Variants in LARGE1 observed in about 807,000 individuals in gnomAD.
LARGE1 encodes the protein LARGE xylosyl- and glucuronyltransferase 1.
LARGE1 carries 43 observed loss-of-function variants against 87.6 expected under a neutral mutation model. The observed-to-expected ratio is 0.49, with a 90% CI of 0.38 to 0.63. The LOEUF is 0.63. LARGE1 is among the 30% of genes least tolerant of loss of function. The pLI is 0.00. For synonymous variants in LARGE1, 434 were observed against 394.6 expected, an observed-to-expected ratio of 1.10 and a Z score of -1.18; for missense variants, 802 against 1,000.2, an observed-to-expected ratio of 0.80 and a Z score of 2.67.
At chr22:33,350,592 T>C (rs887322442) in intron 9 of LARGE1, among the ~76,000 whole-genome samples, 2 of 152,148 alleles carry the variant, frequency 1.3e-5, no homozygotes, top group Admixed American at 6.5e-5. Flanking sequence ...CCGTGGGATG[T>C]TGCTAACTTG....
At chr22:33,114,157 T>C in the LARGE1 span, among the ~76,000 whole-genome samples, 3 of 151,934 alleles carry the variant, frequency 2.0e-5, no homozygotes, top group Non-Finnish European at 2.9e-5. Flanking sequence ...ATTACAGGCG[T>C]GAGCCACCGC....
intron 6 of LARGE1, among the ~76,000 whole-genome samples, chr22:33,449,748 G>A (rs7284440): frequency 1.3e-5 from 2 of 151,974 alleles, no homozygotes; most frequent in Non-Finnish European, 2.9e-5. Context: ...CTTTTGCCAA[G>A]GAAACAATAT....
At chr22:33,125,874 A>G in the LARGE1 span, among the ~76,000 whole-genome samples, 1 of 152,186 alleles carries the variant, frequency 6.6e-6, no homozygotes, top group South Asian at 2.1e-4. Context: ...CAGCTTCCTG[A>G]GCAGCTAGGA....
chr22:33,558,023 C>A lies in LARGE1; in HGVS notation c.787+6825G>T, dbSNP rs574152929. On this transcript the variant is annotated intron_variant, in intron 6 of 14. Transcript: ENST00000397394. ...TAGAAGCACATCACCTCTACAGACA[C>A]CAGCTGTTGGTGTCATTTTAAAGCA... Among the ~76,000 whole-genome samples, 3 of 152,298 alleles carry A rather than the reference C, an allele frequency of 2.0e-5. No individual in the cohort carries two copies. The South Asian group carries it at 6.2e-4, about 32-fold the overall frequency.
intron 11 of LARGE1, among the ~76,000 whole-genome samples, chr22:33,215,733 G>A (rs1925172368): frequency 6.6e-6 from 1 of 152,172 alleles, no homozygotes; most frequent in Admixed American, 6.5e-5. Flanking sequence ...GAGACAAGTG[G>A]ATCACCTGAG....
At chr22:33,610,687 A>G (rs1472492831) in intron 4 of LARGE1, among the ~76,000 whole-genome samples, 1 of 152,202 alleles carries the variant, frequency 6.6e-6, no homozygotes, top group Non-Finnish European at 1.5e-5. Context: ...AGATATTAGC[A>G]TAACTAAAAA....
intron 11 of LARGE1, among the ~76,000 whole-genome samples, chr22:33,313,642 A>C (rs750344378): frequency 6.6e-6 from 1 of 152,154 alleles, no homozygotes; most frequent in African/African-American, 2.4e-5. Flanking sequence ...AGGGGGCTGC[A>C]TGGCTAGGAA....
intron 1 of LARGE1, among the ~76,000 whole-genome samples, chr22:33,848,212 A>G (rs1409388126): frequency 1.3e-5 from 2 of 152,222 alleles, no homozygotes; most frequent in Non-Finnish European, 2.9e-5. Context: ...AATATAAACA[A>G]GTAGGTGCTT....
chr22:33,495,244 T>C (rs1416116915), intron 6 of LARGE1, among the ~76,000 whole-genome samples: 1 of 152,194 alleles, frequency 6.6e-6, no homozygotes, highest in Non-Finnish European at 1.5e-5. Context: ...TCCTTTGAAC[T>C]TTCCTTTGAG....
chr22:33,471,680 C>T, intron 6 of LARGE1, among the ~76,000 whole-genome samples: 1 of 152,144 alleles, frequency 6.6e-6, no homozygotes, highest in Admixed American at 6.5e-5. Flanking sequence ...TAGCTCCTCC[C>T]CAGGTGCCAA....
At chr22:33,342,089 ACT>A (rs1368397803) in intron 9 of LARGE1, among the ~76,000 whole-genome samples, 3 of 151,554 alleles carry the variant, frequency 2.0e-5, no homozygotes, top group Admixed American at 1.3e-4. Flanking sequence ...GAGAGGGAAG[ACT>A]CTCCCCTGAG....
intron 3 of LARGE1, among the ~76,000 whole-genome samples, chr22:33,649,593 G>A (rs556922200): frequency 1.3e-5 from 2 of 152,324 alleles, no homozygotes; most frequent in South Asian, 4.1e-4. Context: ...GTTCACAGAA[G>A]TTATGCAACT....
At position 33,704,208 on chromosome 22, in the gene LARGE1, A is replaced by G. The variant is rs899735758; in HGVS notation, c.107-53540T>C. 3.3e-5 allele frequency among the ~76,000 whole-genome samples: 5 copies of G among 152,242 alleles called. No homozygotes were observed. In the East Asian group the frequency reaches 9.6e-4, roughly 29 times the overall value. On this transcript the variant is annotated intron_variant, in intron 2 of 14. Coordinates refer to ENST00000397394, the MANE Select transcript of LARGE1 (RefSeq NM_133642.5). ...TGTATACTGTATAAAACAAAGGAATATGGAAGGCTATTTTATGCCTCCAAA... is the reference window on the plus strand; with the variant it reads ...TGTATACTGTATAAAACAAAGGAATGTGGAAGGCTATTTTATGCCTCCAAA...
chr22:33,739,155 C>T (rs1231479944), intron 2 of LARGE1, among the ~76,000 whole-genome samples: 16 of 152,090 alleles, frequency 1.1e-4, no homozygotes. Flanking sequence ...ACCATGTGTC[C>T]TTTACCGTGC....
chr22:33,674,590 C>T (rs1209739357), intron 2 of LARGE1, among the ~76,000 whole-genome samples: 1 of 152,166 alleles, frequency 6.6e-6, no homozygotes, highest in African/African-American at 2.4e-5. Flanking sequence ...CTCTCAGTGC[C>T]CCAGGTATGG....
intron 5 of LARGE1, among the ~76,000 whole-genome samples, chr22:33,572,899 A>G (rs959011369): frequency 1.3e-5 from 2 of 152,052 alleles, no homozygotes; most frequent in African/African-American, 4.8e-5. Context: ...AAAATAAAAT[A>G]AAATGGTTAA....
intron 12 of LARGE1, among the ~76,000 whole-genome samples, chr22:33,301,065 T>C (rs995095244): frequency 9.2e-5 from 14 of 152,102 alleles, no homozygotes; most frequent in East Asian, 3.9e-4. Flanking sequence ...GGGGGCTTCA[T>C]TGGAGTCCTC....
the LARGE1 span, among the ~76,000 whole-genome samples, chr22:33,074,536 G>A: frequency 2.6e-5 from 4 of 152,124 alleles, 1 homozygote; most frequent in South Asian, 4.2e-4. Flanking sequence ...TTAGCCAGGT[G>A]TGGTGCCGCG....
rs35976426 is a variant in LARGE1, at chr22:33,441,071, C to CTTTTTTTTTTTTTTTTTTT, written c.788-8825_788-8807dup. Among the ~76,000 whole-genome samples the CTTTTTTTTTTTTTTTTTTT allele has an allele frequency of 1.1e-3, 106 of 98,500 alleles. 8 individuals carry two copies. The highest frequency in any genetic ancestry group is 5.0e-3 in the African/African-American group (102 of 20,372). 64.6% of individuals were successfully genotyped at this position (98,500 alleles called of 152,430 possible). On this transcript the variant is annotated intron_variant, in intron 6 of 14. Transcript: ENST00000397394. ...CTCAGCTGCTGCTATTTTGTTTGAACTTTTTTTTTTTTTTTTTTTTGAGAG... is the reference window on the plus strand; with the variant it reads ...CTCAGCTGCTGCTATTTTGTTTGAACTTTTTTTTTTTTTTTTTTTTTTTTTTTTTTTTTTTTTTTGAGAG...
Sources: allele counts gnomAD v4.1 joint callset (sites outside exome capture counted in the v4.1 genomes callset), GRCh38; gene constraint gnomAD v4.1.1; transcripts MANE v1.5; gene names NCBI Gene and HGNC (gene_info 2026-07-23, HGNC 2026-07-21).